Variants in STAC observed in about 807,000 individuals in gnomAD.
STAC encodes SH3 and cysteine-rich domain-containing protein.
Under a neutral mutation model 48.8 loss-of-function variants are expected in STAC, and 43 were observed. That is an observed-to-expected ratio of 0.88 (90% CI 0.69 to 1.14). The LOEUF (loss-of-function observed/expected upper bound fraction) is 1.14. Among genes scored for constraint, STAC ranks in the 50% most tolerant of loss-of-function variants. The probability of loss-of-function intolerance (pLI) is 0.00; values close to 1 mark genes in which losing one functional copy is unlikely to be tolerated. For synonymous variants in STAC, 193 were observed against 179.5 expected, an observed-to-expected ratio of 1.07 and a Z score of -0.60; for missense variants, 497 against 504.0, an observed-to-expected ratio of 0.99 and a Z score of 0.13.
intron 1 of STAC, among the ~76,000 whole-genome samples, chr3:36,415,267 G>A (rs553473288): frequency 6.6e-6 from 1 of 152,304 alleles, no homozygotes; most frequent in East Asian, 1.9e-4. Context: ...GCCCCCAGAG[G>A]TGGAGTCTAC....
At chr3:36,450,757 T>C (rs1696653056) in intron 2 of STAC, among the ~76,000 whole-genome samples, 2 of 152,136 alleles carry the variant, frequency 1.3e-5, no homozygotes, top group African/African-American at 4.8e-5. Context: ...ACTCCCAAAT[T>C]CGGGTGATCC....
At chr3:36,427,294 A>G (rs1361184486) in intron 1 of STAC, among the ~76,000 whole-genome samples, 2 of 152,166 alleles carry the variant, frequency 1.3e-5, no homozygotes, top group Non-Finnish European at 2.9e-5. Flanking sequence ...ACATCCCAAT[A>G]TGCATCATAT....
intron 1 of STAC, among the ~76,000 whole-genome samples, chr3:36,398,238 C>A (rs1185566765): frequency 6.7e-6 from 1 of 150,210 alleles, no homozygotes; most frequent in Non-Finnish European, 1.5e-5. Context: ...ATGTTACCTG[C>A]CAGTTTATGA....
intron 10 of STAC, among the ~76,000 whole-genome samples, chr3:36,540,934 C>A (rs893125834): frequency 3.9e-5 from 6 of 152,114 alleles, no homozygotes; most frequent in Non-Finnish European, 1.5e-5. Flanking sequence ...TTACAAAAAT[C>A]AAACTCAAAC....
At chr3:36,485,191 CTG>C (rs1180609675) in intron 4 of STAC, 133 bp downstream of exon 4, 4 of 610,082 alleles carry the variant, frequency 6.6e-6, no homozygotes, top group African/African-American at 5.7e-5. Context: ...TGGGGTATGA[CTG>C]TGTGTTTTGC....
At chr3:36,545,134 C>CT (rs372758414) in intron 10 of STAC, among the ~76,000 whole-genome samples, 251 of 152,338 alleles carry the variant, frequency 1.6e-3, no homozygotes, top group African/African-American at 5.7e-3. Context: ...AGCTGCCCTT[C>CT]TCAGGGAGGG....
chr3:36,477,734 C>T (rs73827527), intron 2 of STAC, among the ~76,000 whole-genome samples: 4,716 of 152,212 alleles, frequency 0.031, 219 homozygotes, highest in African/African-American at 0.11. Flanking sequence ...AACATCGTGA[C>T]TAAAATTTTT....
rs181665292 is a variant in STAC, at chr3:36,388,963, C to G, written c.111+8209C>G. Among the ~76,000 whole-genome samples, 137 of 152,222 alleles carry G rather than the reference C, an allele frequency of 9.0e-4. No homozygotes were observed. The South Asian group carries it at 0.017, about 19-fold the overall frequency. Reference sequence around the variant, plus strand: ...TGGAAGTTTTATATTTATCTGCACTCAACTTTTCGTTTTCTACCAAATTAT... The same window carrying G: ...TGGAAGTTTTATATTTATCTGCACTGAACTTTTCGTTTTCTACCAAATTAT... On this transcript the variant is annotated intron_variant, in intron 1 of 10. Coordinates refer to ENST00000273183, the MANE Select transcript of STAC (RefSeq NM_003149.3).
At chr3:36,543,420 A>T (rs1575275465) in intron 10 of STAC, among the ~76,000 whole-genome samples, 1 of 152,304 alleles carries the variant, frequency 6.6e-6, no homozygotes, top group South Asian at 2.1e-4. Context: ...ATCCGTAAAA[A>T]GGTCTCCCAA....
intron 1 of STAC, among the ~76,000 whole-genome samples, chr3:36,425,648 G>A (rs1288363815): frequency 6.6e-6 from 1 of 152,168 alleles, no homozygotes; most frequent in Admixed American, 6.5e-5. Flanking sequence ...TTAAGCAGGG[G>A]AAGCTGGATG....
rs78200609 is a variant in STAC at position 36,479,934 on chromosome 3, T to C, written c.389-3058T>C. Among the ~76,000 whole-genome samples the C allele has an allele frequency of 2.2e-3, 333 of 152,336 alleles. 2 individuals are homozygous for C. Among genetic ancestry groups the C allele is most frequent in the Middle Eastern group, 6.8e-3 (2 of 294 alleles). Reference sequence around the variant, plus strand: ...CTGAGCTGCAGAACACAAGCTTTCCTCTTCAATCATTCTTGTTATTCCAGA... The same window carrying C: ...CTGAGCTGCAGAACACAAGCTTTCCCCTTCAATCATTCTTGTTATTCCAGA... On this transcript the variant is annotated intron_variant, in intron 2 of 10. Transcript: ENST00000273183.
chr3:36,532,863 A>T (rs1699103916), intron 10 of STAC, among the ~76,000 whole-genome samples: 1 of 152,230 alleles, frequency 6.6e-6, no homozygotes, highest in African/African-American at 2.4e-5. Context: ...TATAAGAATC[A>T]TAATTATTAG....
At chr3:36,434,196 T>A (rs1465459349) in intron 1 of STAC, among the ~76,000 whole-genome samples, 1 of 151,820 alleles carries the variant, frequency 6.6e-6, no homozygotes, top group Non-Finnish European at 1.5e-5. Flanking sequence ...GCGGCTGGAG[T>A]GTGAAGGGAG....
rs999382440 is a variant in STAC at position 36,547,221 on chromosome 3, T to C, written c.*932T>C. 2 of 152,350 alleles carry C rather than the reference T, an allele frequency of 1.3e-5. No homozygotes were observed. The highest frequency in any genetic ancestry group is 6.5e-5 in the Admixed American group (1 of 15,282). 9.4% of individuals were successfully genotyped at this position (152,350 alleles called of 1,614,324 possible). ...AGCACTTTTCCCTCATGCTGTCCTA[T>C]AGGACTCCACTTTGAAGGTTGTGCC... On this transcript the variant is annotated 3_prime_UTR_variant, in exon 11 of 11. Coordinates refer to ENST00000273183, the MANE Select transcript of STAC (RefSeq NM_003149.3).
At chr3:36,458,329 T>A (rs980299193) in intron 2 of STAC, among the ~76,000 whole-genome samples, 8 of 152,142 alleles carry the variant, frequency 5.3e-5, no homozygotes, top group African/African-American at 1.9e-4. Context: ...ATTTTGTAAC[T>A]ATTGAGAGAT....
intron 2 of STAC, among the ~76,000 whole-genome samples, chr3:36,454,100 T>C (rs551508414): frequency 1.8e-4 from 27 of 152,024 alleles, no homozygotes; most frequent in Non-Finnish European, 3.4e-4. Context: ...TGGGGCCAAA[T>C]AAGAGAATAA....
At chr3:36,539,099 T>C (rs544103933) in intron 10 of STAC, among the ~76,000 whole-genome samples, 6 of 152,234 alleles carry the variant, frequency 3.9e-5, no homozygotes, top group African/African-American at 1.4e-4. Flanking sequence ...GAAGTTTCAA[T>C]TCAGTCTTTC....
At chr3:36,409,657 C>T (rs1421138199) in intron 1 of STAC, 2 of 152,170 alleles carry the variant, frequency 1.3e-5, no homozygotes, top group East Asian at 1.9e-4. Flanking sequence ...CTTGTATCCA[C>T]TCCATCCATC....
chr3:36,487,715 A>G (rs1160686264), intron 5 of STAC, among the ~76,000 whole-genome samples: 2 of 152,216 alleles, frequency 1.3e-5, no homozygotes, highest in African/African-American at 4.8e-5. Context: ...CGTAACATAC[A>G]CGTGTTAAGG....
Sources: allele counts gnomAD v4.1 joint callset (sites outside exome capture counted in the v4.1 genomes callset), GRCh38; gene constraint gnomAD v4.1.1; transcripts MANE v1.5; gene names NCBI Gene and HGNC (gene_info 2026-07-23, HGNC 2026-07-21).